Variants in CATSPER3 observed in about 807,000 individuals in gnomAD.
CATSPER3 encodes cation channel sperm associated 3.
Under a neutral mutation model 36.6 loss-of-function variants are expected in CATSPER3, and 23 were observed. That is an observed-to-expected ratio of 0.63 (90% CI 0.45 to 0.89). The LOEUF is 0.89. Among genes scored for constraint, CATSPER3 ranks in the 40% least tolerant of loss-of-function variants. CATSPER3 has a pLI of 0.00. For missense variants in CATSPER3, 474 were observed against 503.9 expected, an observed-to-expected ratio of 0.94 and a Z score of 0.57; for synonymous variants, 172 against 184.1, an observed-to-expected ratio of 0.93 and a Z score of 0.53.
At chr5:134,970,728 T>C (rs1235151070) in intron 2 of CATSPER3, among the ~76,000 whole-genome samples, 2 of 150,584 alleles carry the variant, frequency 1.3e-5, no homozygotes, top group East Asian at 2.0e-4. Flanking sequence ...CACACCATCA[T>C]GCTTGGGTAA....
Position 134,969,946 on chromosome 5 carries a change from G to A in CATSPER3, c.106G>A (p.Asp36Asn), listed in dbSNP as rs574831794. ...CPTFKKFKRNDDECRAFVKRV... is the reference protein window; with the variant it reads ...CPTFKKFKRNNDECRAFVKRV... ...CATTCAACTTTTTGACAGGAGGAAC[G>A]ATGATGAATGTCGGGCATTTGTGAA... is the stretch of plus-strand genomic sequence containing the variant. Residue 36 changes from aspartate to asparagine, a missense_variant, in exon 2 of 8, where the codon GAT becomes AAT. By Grantham distance (23) the Asp-to-Asn change is conservative (BLOSUM62 1). Coordinates refer to ENST00000282611, the MANE Select transcript of CATSPER3 (RefSeq NM_178019.3). 17 of 1,613,962 alleles carry A rather than the reference G, an allele frequency of 1.1e-5. No individual in the cohort carries two copies. The African/African-American group carries it at 1.1e-4, about 10-fold the overall frequency.
At chr5:134,991,656 T>A (rs2149549588) in intron 2 of CATSPER3, among the ~76,000 whole-genome samples, 1 of 152,126 alleles carries the variant, frequency 6.6e-6, no homozygotes, top group Non-Finnish European at 1.5e-5. Context: ...TCAAAATGAA[T>A]CAACAACCTA....
At chr5:134,985,671 G>GT (rs1320410422) in intron 2 of CATSPER3, among the ~76,000 whole-genome samples, 6 of 151,928 alleles carry the variant, frequency 3.9e-5, no homozygotes, top group Non-Finnish European at 5.9e-5. Context: ...CACTTTGGAA[G>GT]GCCAAGATGG....
At chr5:134,980,357 C>T (rs1228409096) in intron 2 of CATSPER3, among the ~76,000 whole-genome samples, 1 of 149,726 alleles carries the variant, frequency 6.7e-6, no homozygotes, top group Non-Finnish European at 1.5e-5. Flanking sequence ...TCCCTCCCTC[C>T]CTCCTCTCTT....
At chr5:135,000,499 C>T (rs1403867725) in intron 3 of CATSPER3, among the ~76,000 whole-genome samples, 1 of 152,158 alleles carries the variant, frequency 6.6e-6, no homozygotes, top group East Asian at 1.9e-4. Context: ...GGAATGGTAC[C>T]AGCTCCTCCT....
At position 135,008,102 on chromosome 5, in the gene CATSPER3, T is replaced by C. The variant is rs1752114702; in HGVS notation, c.638T>C (p.Leu213Pro). The C allele has an allele frequency of 1.2e-6, 2 of 1,614,180 alleles. No individual in the cohort carries two copies. Among genetic ancestry groups the C allele is most frequent in the African/African-American group, 2.7e-5 (2 of 75,068 alleles). The change falls in exon 4 of 8, where the codon CTG (leucine) becomes CCG (proline). Residue 213 changes from leucine to proline, a missense_variant. Leu to Pro is a moderately conservative substitution (Grantham distance 98). Coordinates refer to ENST00000282611, the MANE Select transcript of CATSPER3 (RefSeq NM_178019.3). Reference sequence around the variant, plus strand: ...GGTGACCATGATAACTGGGGGAACCTGGCTGCAGCTTTTTTCACCCTCTTC... The same window carrying C: ...GGTGACCATGATAACTGGGGGAACCCGGCTGCAGCTTTTTTCACCCTCTTC... ...DNGDHDNWGN[L>P]AAAFFTLFSL...
chr5:134,971,155 T>C (rs907221864), intron 2 of CATSPER3, among the ~76,000 whole-genome samples: 4 of 152,118 alleles, frequency 2.6e-5, no homozygotes, highest in African/African-American at 9.7e-5. Context: ...TTCACCGTGT[T>C]AGCCAGGATG....
At chr5:135,006,984 TGGAGG>T (rs1752097056) in intron 3 of CATSPER3, among the ~76,000 whole-genome samples, 1 of 152,206 alleles carries the variant, frequency 6.6e-6, no homozygotes, top group Non-Finnish European at 1.5e-5. Context: ...CCGTTCCGCA[TGGAGG>T]GCAGCCCAGG....
intron 2 of CATSPER3, among the ~76,000 whole-genome samples, chr5:134,984,254 G>A (rs1180792237): frequency 6.6e-6 from 1 of 152,122 alleles, no homozygotes; most frequent in Non-Finnish European, 1.5e-5. Context: ...GACCCCAAAA[G>A]CAAATGCAAC....
intron 6 of CATSPER3, 52 bp from the exon 7 acceptor site, chr5:135,010,321 G>A: frequency 6.6e-7 from 1 of 1,524,526 alleles, no homozygotes; most frequent in Non-Finnish European, 9.1e-7. Flanking sequence ...TCTCTGTGCA[G>A]CTCGGCTGTC....
At chr5:134,982,801 A>G (rs1484266274) in intron 2 of CATSPER3, among the ~76,000 whole-genome samples, 2 of 152,214 alleles carry the variant, frequency 1.3e-5, no homozygotes, top group Non-Finnish European at 2.9e-5. Context: ...AGCTAGTGTT[A>G]TTGTGTATTT....
chr5:135,007,751 G>A (rs1752108384), intron 3 of CATSPER3, among the ~76,000 whole-genome samples: 1 of 152,194 alleles, frequency 6.6e-6, no homozygotes, highest in Non-Finnish European at 1.5e-5. Context: ...CTCAATCTGG[G>A]CACAGTTCTG....
chr5:134,990,368 A>G (rs1751863972), intron 2 of CATSPER3, among the ~76,000 whole-genome samples: 2 of 152,216 alleles, frequency 1.3e-5, no homozygotes, highest in Non-Finnish European at 2.9e-5. Flanking sequence ...TCCTAGGTAG[A>G]TAAGAGACAA....
chr5:135,010,973 G>T (rs1752174059), intron 7 of CATSPER3, among the ~76,000 whole-genome samples: 2 of 152,202 alleles, frequency 1.3e-5, no homozygotes, highest in Admixed American at 1.3e-4. Context: ...CAGTATATGT[G>T]AAGCTCTGAG....
rs529922015 is a variant in CATSPER3 at position 134,999,989 on chromosome 5, T to A, written c.492+3477T>A. ...AGAGGGCATCCCTGTCTTGTGCCAG[T>A]TTTCAAAGGGAATGCTTCCAGTTTT... On this transcript the variant is annotated intron_variant, in intron 3 of 7. Transcript: ENST00000282611. 6.6e-3 allele frequency among the ~76,000 whole-genome samples: 1,002 copies of A among 152,288 alleles called. 5 individuals carry two copies. Among genetic ancestry groups the A allele is most frequent in the South Asian group, 0.015 (71 of 4,810 alleles).
Position 134,998,323 on chromosome 5 carries a change from T to C in CATSPER3, c.492+1811T>C, listed in dbSNP as rs537751690. Among the ~76,000 whole-genome samples the C allele has an allele frequency of 6.6e-5, 10 of 152,370 alleles. No homozygotes were observed. In the South Asian group the frequency reaches 2.1e-3, roughly 32 times the overall value. ...TTTTCTTAATCCAGCCTATCATTGA[T>C]GGGCATTCGGGTTGGTTCCAAGTCT... On this transcript the variant is annotated intron_variant, in intron 3 of 7. Transcript: ENST00000282611.
At chr5:134,976,945 G>A (rs1434115777) in intron 2 of CATSPER3, among the ~76,000 whole-genome samples, 1 of 152,218 alleles carries the variant, frequency 6.6e-6, no homozygotes, top group African/African-American at 2.4e-5. Flanking sequence ...GCCAGGATGT[G>A]GGGAGCAGTG....
At chr5:135,003,974 C>T (rs1002292344) in intron 3 of CATSPER3, among the ~76,000 whole-genome samples, 3 of 152,226 alleles carry the variant, frequency 2.0e-5, no homozygotes, top group Non-Finnish European at 4.4e-5. Context: ...ACCCGCTGTC[C>T]GACAAGCCCC....
intron 6 of CATSPER3, 124 bp downstream of exon 6, chr5:135,009,614 A>T: frequency 3.5e-4 from 19 of 54,730 alleles, no homozygotes; most frequent in Non-Finnish European, 6.7e-4. Context: ...CTGCAGCCTT[A>T]GGTAAGACAG....
Sources: gnomAD v4.1 joint callset for allele counts (sites outside exome capture counted in the v4.1 genomes callset) on GRCh38, gnomAD v4.1.1 for gene constraint, MANE v1.5 for transcripts, NCBI Gene and HGNC (gene_info 2026-07-23, HGNC 2026-07-21) for gene names.